The following COBL variants were observed in gnomAD, a reference collection of about 807,000 sequenced individuals.
COBL encodes cordon-bleu WH2 repeat protein.
In COBL, 51 loss-of-function variants were observed where a neutral mutation model predicts 98.8. The observed-to-expected ratio is 0.52, with a 90% CI of 0.41 to 0.65. The LOEUF (loss-of-function observed/expected upper bound fraction) is 0.65. Ranked by LOEUF, COBL falls within the 30% of genes least tolerant of loss-of-function variation. The pLI is 0.00. For synonymous variants in COBL, 634 were observed against 651.7 expected (o/e 0.97, Z 0.41); for missense variants, 1,617 against 1,617.5 (o/e 1.00, Z 0.01).
At chr7:51,110,696 C>G (rs979690688) in intron 6 of COBL, among the ~76,000 whole-genome samples, 3 of 152,206 alleles carry the variant, frequency 2.0e-5, no homozygotes. Context: ...ACCTTCCACT[C>G]TTGCCCACAA....
At chr7:51,100,020 C>T (rs1795673951) in intron 6 of COBL, among the ~76,000 whole-genome samples, 1 of 152,166 alleles carries the variant, frequency 6.6e-6, no homozygotes, top group South Asian at 2.1e-4. Flanking sequence ...GATGAGATGC[C>T]TGGCCTTGCC....
chr7:51,116,401 C>G (rs77133570), intron 6 of COBL, among the ~76,000 whole-genome samples: 12,753 of 152,098 alleles, frequency 0.084, 769 homozygotes, highest in South Asian at 0.17. Flanking sequence ...GTATTATAAC[C>G]CTTCACATCA....
chr7:51,208,423 TCCGGGAGGGAGGTGGGGGGGGTCAGCC>T (rs1309673778), intron 2 of COBL, among the ~76,000 whole-genome samples: 1 of 87,330 alleles, frequency 1.1e-5, no homozygotes, highest in Non-Finnish European at 2.5e-5. Flanking sequence ...AGCCGCCCCG[TCCGGGAGGGAGGTGGGGGGGGTCAGCC>T]CCCCGCCCGG....
At position 51,316,634 on chromosome 7, in the gene COBL, G is replaced by A; in HGVS notation, c.-1C>T. On this transcript the variant is annotated 5_prime_UTR_variant, in exon 1 of 13. Transcript: ENST00000265136. ...CCGCCGAGGCGCGCGGCGCGTCCATGGTGCCGGGGGCCGGGACGCGGGCGG... is the reference window on the plus strand; with the variant it reads ...CCGCCGAGGCGCGCGGCGCGTCCATAGTGCCGGGGGCCGGGACGCGGGCGG... The A allele has an allele frequency of 8.3e-7, 1 of 1,199,256 alleles. No homozygotes were observed. The highest frequency in any genetic ancestry group is 1.0e-6 in the Non-Finnish European group (1 of 966,960). 74.3% of individuals were successfully genotyped at this position (1,199,256 alleles called of 1,614,324 possible).
intron 2 of COBL, among the ~76,000 whole-genome samples, chr7:51,207,620 C>T (rs1170009461): frequency 2.0e-5 from 3 of 152,008 alleles, no homozygotes; most frequent in Non-Finnish European, 4.4e-5. Context: ...TTGGTGGAGA[C>T]GGGGTTTCAC....
chr7:51,211,442 G>A (rs908207449), intron 2 of COBL, among the ~76,000 whole-genome samples: 1 of 152,232 alleles, frequency 6.6e-6, no homozygotes, highest in African/African-American at 2.4e-5. Context: ...AGAGTTTTAC[G>A]TGAAGTAACA....
chr7:51,193,390 T>C lies in COBL; in HGVS notation c.445A>G (p.Lys149Glu), dbSNP rs577018892. 34 of 1,614,134 alleles carry C rather than the reference T, an allele frequency of 2.1e-5. No individual in the cohort carries two copies. In the East Asian group the frequency reaches 4.2e-4, roughly 20 times the overall value. Residue 149 changes from lysine to glutamate, a missense_variant, in exon 3 of 13, where the codon AAG becomes GAG. By Grantham distance (56) the Lys-to-Glu change is moderately conservative. Around this residue, in one of 3 missense-constraint regions of COBL, gnomAD observed 238 missense variants for 215.0 expected, o/e 1.11. Coordinates refer to ENST00000265136, the MANE Select transcript of COBL (RefSeq NM_015198.5). Reference sequence around the variant, plus strand: ...AGGTACCTACTAACCTCAGGCACCTTAGGGGGACCAGGCTTAACCTTCTCT... The same window carrying C: ...AGGTACCTACTAACCTCAGGCACCTCAGGGGGACCAGGCTTAACCTTCTCT... ...PEEKVKPGPPKVPEKSVRLVV... is the reference protein window; with the variant it reads ...PEEKVKPGPPEVPEKSVRLVV...
chr7:51,193,062 G>A (rs1790268492), intron 3 of COBL, among the ~76,000 whole-genome samples: 1 of 152,134 alleles, frequency 6.6e-6, no homozygotes, highest in Admixed American at 6.5e-5. Flanking sequence ...TGCAGCCAGT[G>A]GCTATCATAT....
chr7:51,094,556 T>G (rs1288338751), intron 6 of COBL, among the ~76,000 whole-genome samples: 1 of 152,090 alleles, frequency 6.6e-6, no homozygotes, highest in Non-Finnish European at 1.5e-5. Flanking sequence ...AAGACCTAGC[T>G]AGATAAATAA....
intron 1 of COBL, among the ~76,000 whole-genome samples, chr7:51,297,833 C>G (rs1425905223): frequency 1.3e-5 from 2 of 152,152 alleles, no homozygotes; most frequent in Non-Finnish European, 2.9e-5. Context: ...CTTCAGAGGC[C>G]ACTCGATGTA....
chr7:51,259,821 T>C, intron 1 of COBL: 3 of 753,638 alleles, frequency 4.0e-6, no homozygotes, highest in Admixed American at 3.4e-5. Flanking sequence ...AAGATACCAC[T>C]AAAAATTTTC....
chr7:51,178,837 G>A (rs1030128641), intron 5 of COBL, among the ~76,000 whole-genome samples: 5 of 152,258 alleles, frequency 3.3e-5, no homozygotes, highest in East Asian at 1.9e-4. Flanking sequence ...TCCAACTCCC[G>A]ACCTCAGGCG....
intron 2 of COBL, among the ~76,000 whole-genome samples, chr7:51,217,249 G>A (rs147030113): frequency 5.3e-5 from 8 of 151,750 alleles, no homozygotes; most frequent in Non-Finnish European, 8.8e-5. Context: ...TTTAGAATGC[G>A]CATTCTATTC....
At chr7:51,242,491 C>G (rs1016560492) in intron 1 of COBL, among the ~76,000 whole-genome samples, 1 of 152,190 alleles carries the variant, frequency 6.6e-6, no homozygotes, top group Non-Finnish European at 1.5e-5. Flanking sequence ...CACAGGCTGT[C>G]CTGGCTGGAC....
intron 1 of COBL, among the ~76,000 whole-genome samples, chr7:51,223,180 GC>G (rs1793826053): frequency 1.3e-5 from 2 of 152,274 alleles, no homozygotes; most frequent in African/African-American, 4.8e-5. Flanking sequence ...TGTGGCCTAA[GC>G]TGCAACCAGC....
intron 5 of COBL, among the ~76,000 whole-genome samples, chr7:51,166,522 C>T (rs778949078): frequency 2.0e-5 from 3 of 151,994 alleles, no homozygotes; most frequent in Non-Finnish European, 2.9e-5. Flanking sequence ...TTCTCCCAAA[C>T]ATTTAAACAA....
At chr7:51,100,552 C>T (rs936477644) in intron 6 of COBL, among the ~76,000 whole-genome samples, 3 of 152,198 alleles carry the variant, frequency 2.0e-5, no homozygotes, top group African/African-American at 7.2e-5. Context: ...TTCCAGAATT[C>T]TCTTAAGGGT....
intron 1 of COBL, among the ~76,000 whole-genome samples, chr7:51,274,699 A>T (rs558683124): frequency 3.9e-5 from 6 of 152,346 alleles, no homozygotes; most frequent in Admixed American, 1.3e-4. Flanking sequence ...GAGGATTTTC[A>T]TTCAATAAAT....
At position 51,016,402 on chromosome 7, in the gene COBL, TTC is replaced by T. The variant is rs1425453964; in HGVS notation, c.*1147_*1148del. The T allele has an allele frequency of 2.6e-5, 4 of 152,280 alleles. No homozygotes were observed. Among genetic ancestry groups the T allele is most frequent in the African/African-American group, 9.6e-5 (4 of 41,466 alleles). 9.4% of individuals were successfully genotyped at this position (152,280 alleles called of 1,614,324 possible). A position where few individuals can be genotyped will look rare whatever the true frequency, so the allele number is the denominator to read the frequency against. ...TTAAAGTGACCTCACCATACTTGTT[TTC>T]TCACTCAGATACACATTTTATTTCA... On this transcript the variant is annotated 3_prime_UTR_variant, in exon 13 of 13. Transcript: ENST00000265136.
Sources: allele counts gnomAD v4.1 joint callset (sites outside exome capture counted in the v4.1 genomes callset), GRCh38; gene constraint gnomAD v4.1.1; regional missense constraint gnomAD v4.1.1; transcripts MANE v1.5; gene names NCBI Gene and HGNC (gene_info 2026-07-23, HGNC 2026-07-21).